Variants in SMIM35 observed in about 807,000 individuals in gnomAD.
SMIM35 encodes TMPRSS4 antisense RNA 1 (non-protein coding).
intron 1 of SMIM35, among the ~76,000 whole-genome samples, chr11:118,077,558 C>A (rs1944752555): frequency 6.6e-6 from 1 of 152,202 alleles, no homozygotes; most frequent in South Asian, 2.1e-4. Flanking sequence ...CCAGGGCTGT[C>A]CTTCCCGACT....
chr11:118,069,232 T>C (rs1944534305), intron 1 of SMIM35, among the ~76,000 whole-genome samples: 1 of 152,230 alleles, frequency 6.6e-6, no homozygotes, highest in South Asian at 2.1e-4. Context: ...CAACACTTTG[T>C]TTGCAAGGTT....
chr11:118,027,024 T>TC lies in SMIM35; in HGVS notation c.8-11216_8-11215insG, dbSNP rs974890001. Among the ~76,000 whole-genome samples the TC allele has an allele frequency of 2.1e-5, 3 of 140,136 alleles. 1 individual carries two copies. Among genetic ancestry groups the TC allele is most frequent in the African/African-American group, 8.0e-5 (3 of 37,456 alleles). 91.9% of individuals were successfully genotyped at this position (140,136 alleles called of 152,430 possible). ...AAAATCCACCACCACCACTTTTTTT[T>TC]TTTTTTTTTTTTTTGAGACGGAGTC... On this transcript the variant is annotated intron_variant, in intron 1 of 4. Transcript: ENST00000689828.
chr11:118,061,608 C>A (rs1486601872), intron 1 of SMIM35, among the ~76,000 whole-genome samples: 2 of 152,086 alleles, frequency 1.3e-5, no homozygotes, highest in African/African-American at 4.8e-5. Flanking sequence ...CCTGGGAAAA[C>A]CTCACAGATC....
Position 118,054,324 on chromosome 11 carries a change from T to C in SMIM35, c.7+32427A>G, listed in dbSNP as rs139954244. Among the ~76,000 whole-genome samples, 547 of 152,334 alleles carry C rather than the reference T, an allele frequency of 3.6e-3. 2 individuals are homozygous for C. Among genetic ancestry groups the C allele is most frequent in the Non-Finnish European group, 3.7e-3 (255 of 68,036 alleles). ...CATTTTCTCATTAGATAAAGAGATGTCCTTTCTGTACATCTGCCTTTGTGA... is the reference window on the plus strand; with the variant it reads ...CATTTTCTCATTAGATAAAGAGATGCCCTTTCTGTACATCTGCCTTTGTGA... On this transcript the variant is annotated intron_variant, in intron 1 of 4. Coordinates refer to ENST00000689828, the MANE Select transcript of SMIM35 (RefSeq NM_001394165.1).
At chr11:118,037,960 C>T (rs1029575230) in intron 1 of SMIM35, among the ~76,000 whole-genome samples, 4 of 152,166 alleles carry the variant, frequency 2.6e-5, no homozygotes, top group African/African-American at 9.7e-5. Flanking sequence ...ACTCTGGTTT[C>T]TTTTCAGAGT....
intron 1 of SMIM35, among the ~76,000 whole-genome samples, chr11:118,062,856 G>A (rs1274247549): frequency 6.6e-6 from 1 of 152,096 alleles, no homozygotes. Flanking sequence ...AGACAGTTAA[G>A]GTATTCTAAG....
At chr11:118,021,858 T>C (rs984782595) in intron 1 of SMIM35, among the ~76,000 whole-genome samples, 3 of 152,106 alleles carry the variant, frequency 2.0e-5, no homozygotes. Context: ...CAGCAATTGA[T>C]AGAACAGGAA....
chr11:118,063,674 G>A lies in SMIM35; in HGVS notation c.7+23077C>T, dbSNP rs557103054. 3.3e-5 allele frequency among the ~76,000 whole-genome samples: 5 copies of A among 152,302 alleles called. No individual in the cohort carries two copies. In the South Asian group the frequency reaches 8.3e-4, roughly 25 times the overall value. ...AGCCCCACCCCTAAACTTAGGGGAGGGGAGAGGGGCTGGAGGGTAAGTTGA... is the reference window on the plus strand; with the variant it reads ...AGCCCCACCCCTAAACTTAGGGGAGAGGAGAGGGGCTGGAGGGTAAGTTGA... On this transcript the variant is annotated intron_variant, in intron 1 of 4. Coordinates refer to ENST00000689828, the MANE Select transcript of SMIM35 (RefSeq NM_001394165.1).
intron 4 of SMIM35, among the ~76,000 whole-genome samples, chr11:118,012,918 C>A (rs965252153): frequency 2.6e-5 from 4 of 152,230 alleles, no homozygotes; most frequent in African/African-American, 7.2e-5. Context: ...AAGCTCCCTG[C>A]TGGTGTCTGG....
chr11:118,060,852 T>C (rs1944383280), intron 1 of SMIM35, among the ~76,000 whole-genome samples: 2 of 152,182 alleles, frequency 1.3e-5, no homozygotes, highest in Admixed American at 1.3e-4. Context: ...CCCTCATCCT[T>C]TGGATCCCCA....
At chr11:118,027,942 G>C (rs967074086) in intron 1 of SMIM35, among the ~76,000 whole-genome samples, 2 of 152,182 alleles carry the variant, frequency 1.3e-5, no homozygotes, top group African/African-American at 4.8e-5. Context: ...GTAGTCAAAG[G>C]CTCATGAAGA....
At chr11:118,067,141 C>T (rs1275303638) in intron 1 of SMIM35, 1 of 152,000 alleles carries the variant, frequency 6.6e-6, no homozygotes, top group Non-Finnish European at 1.5e-5. Context: ...ATGCTAACCC[C>T]CTCAGACCCT....
At chr11:118,050,147 C>A (rs1275663831) in intron 1 of SMIM35, among the ~76,000 whole-genome samples, 2 of 152,224 alleles carry the variant, frequency 1.3e-5, no homozygotes, top group Non-Finnish European at 2.9e-5. Flanking sequence ...CCACTCTGAC[C>A]TTCCAGGTTG....
intron 4 of SMIM35, among the ~76,000 whole-genome samples, chr11:118,008,883 C>T (rs1392594434): frequency 2.6e-5 from 4 of 152,182 alleles, no homozygotes; most frequent in Non-Finnish European, 5.9e-5. Flanking sequence ...AGACTGGATG[C>T]CCCCATGGTG....
At chr11:118,025,611 T>G (rs1350188876) in intron 1 of SMIM35, 2 of 451,804 alleles carry the variant, frequency 4.4e-6, no homozygotes, top group African/African-American at 2.0e-5. Flanking sequence ...TGTCTGTTCA[T>G]GTCCTTTGCC....
At chr11:118,007,944 T>A (rs11216670) in intron 4 of SMIM35, among the ~76,000 whole-genome samples, 24,484 of 151,602 alleles carry the variant, frequency 0.16, 3,310 homozygotes, top group East Asian at 0.37. Context: ...ATCTCAGCTC[T>A]CTGCAACATC....
chr11:118,027,058 T>C (rs1251855006), intron 1 of SMIM35, among the ~76,000 whole-genome samples: 1 of 135,222 alleles, frequency 7.4e-6, no homozygotes, highest in African/African-American at 2.8e-5. Context: ...TCTCGCTCTG[T>C]CGCCCAGGCC....
At chr11:118,035,970 C>T (rs764578471) in intron 1 of SMIM35, among the ~76,000 whole-genome samples, 3 of 152,216 alleles carry the variant, frequency 2.0e-5, no homozygotes, top group Non-Finnish European at 4.4e-5. Flanking sequence ...TCACTACAAC[C>T]TTCGCCTCCT....
rs114634218 is a variant in SMIM35 at position 118,081,393 on chromosome 11, A to T, written c.7+5358T>A. ...TGTGACACGTCTAACGCCACCTCCCAGCCTGCCACTCTGACTAACCAGCAC... is the reference window on the plus strand; with the variant it reads ...TGTGACACGTCTAACGCCACCTCCCTGCCTGCCACTCTGACTAACCAGCAC... On this transcript the variant is annotated intron_variant, in intron 1 of 4. Coordinates refer to ENST00000689828, the MANE Select transcript of SMIM35 (RefSeq NM_001394165.1). 6.1e-3 allele frequency among the ~76,000 whole-genome samples: 923 copies of T among 152,316 alleles called. 12 individuals carry two copies. The highest frequency in any genetic ancestry group is 0.021 in the African/African-American group (877 of 41,570).
Sources: gnomAD v4.1 joint callset for allele counts (sites outside exome capture counted in the v4.1 genomes callset) on GRCh38, gnomAD v4.1.1 for gene constraint, MANE v1.5 for transcripts, NCBI Gene and HGNC (gene_info 2026-07-23, HGNC 2026-07-21) for gene names.